SEC14L1: variants seen among roughly 807,000 people sequenced by gnomAD.
SEC14L1 encodes SEC14-like protein 1.
SEC14L1 carries 48 observed loss-of-function variants against 85.3 expected under a neutral mutation model. That is an observed-to-expected ratio of 0.56 (90% CI 0.45 to 0.72). The LOEUF is 0.72. Among genes scored for constraint, SEC14L1 ranks in the 30% least tolerant of loss-of-function variants. The pLI is 0.00. For synonymous variants in SEC14L1, 391 were observed against 355.5 expected (o/e 1.10, Z -1.12); for missense variants, 682 against 921.4 (o/e 0.74, Z 3.36).
chr17:77,203,554 T>A lies in SEC14L1; in HGVS notation c.1010-16T>A. On this transcript the variant is annotated splice_polypyrimidine_tract_variant and intron_variant, in intron 9 of 16. Transcript: ENST00000436233. ...TGGGATGGTGCTGACAACTCATTCC[T>A]TCCCCTCCTCTGCAGATGGGCGGCC... 1 of 1,610,204 alleles carries A rather than the reference T, an allele frequency of 6.2e-7. No individual in the cohort carries two copies.
chr17:77,174,654 A>T (rs1974671074), intron 3 of SEC14L1, among the ~76,000 whole-genome samples: 1 of 152,074 alleles, frequency 6.6e-6, no homozygotes. Flanking sequence ...CACCACAACG[A>T]GGCAGTGGGA....
rs1183761964 is a variant in SEC14L1 at position 77,209,385 on chromosome 17, G to A, written c.1520G>A (p.Arg507Gln). Residue 507 changes from arginine to glutamine, a missense_variant, in exon 14 of 17, where the codon CGG becomes CAG. Arg to Gln is a conservative substitution (Grantham distance 43). This residue lies in a region of SEC14L1 where 420 missense variants were observed against 619.5 expected (regional missense o/e 0.68). Coordinates refer to ENST00000436233, the MANE Select transcript of SEC14L1 (RefSeq NM_001143998.2). ...EGGLVPKSLYRTAEELENEDL... is the reference protein window; with the variant it reads ...EGGLVPKSLYQTAEELENEDL... ...GGACTGGTCCCCAAATCTCTGTACC[G>A]GACTGCAGAGGAGCTGGAGAACGAA... 3 of 1,614,100 alleles carry A rather than the reference G, an allele frequency of 1.9e-6. No individual in the cohort carries two copies. The highest frequency in any genetic ancestry group is 2.5e-6 in the Non-Finnish European group (3 of 1,179,984).
At chr17:77,164,657 GA>G (rs1974209165) in intron 3 of SEC14L1, among the ~76,000 whole-genome samples, 1 of 152,200 alleles carries the variant, frequency 6.6e-6, no homozygotes, top group South Asian at 2.1e-4. Context: ...AGTGCTGGAG[GA>G]GTGGAGGGAA....
chr17:77,195,924 T>C (rs1206477946), intron 7 of SEC14L1, among the ~76,000 whole-genome samples: 1 of 152,230 alleles, frequency 6.6e-6, no homozygotes, highest in Non-Finnish European at 1.5e-5. Flanking sequence ...ATATCTATTA[T>C]AGTCATGAAT....
chr17:77,115,173 G>A (rs578061524), intron 3 of SEC14L1, among the ~76,000 whole-genome samples: 61 of 152,258 alleles, frequency 4.0e-4, no homozygotes, highest in Non-Finnish European at 7.4e-4. Flanking sequence ...GCTCATGCCT[G>A]TAATCCCAGC....
chr17:77,213,471 T>C lies in SEC14L1; in HGVS notation c.2021T>C (p.Val674Ala), dbSNP rs762265838. The C allele has an allele frequency of 4.3e-6, 7 of 1,610,230 alleles. No homozygotes were observed. In the South Asian group the frequency reaches 7.7e-5, roughly 18 times the overall value. Residue 674 changes from valine (V) to alanine (A), a missense_variant, in exon 16 of 17, where the codon GTG (valine) becomes GCG (alanine). Coordinates refer to ENST00000436233, the MANE Select transcript of SEC14L1 (RefSeq NM_001143998.2). The surrounding 1 kb of genome is among the most constrained non-coding windows in gnomAD (Gnocchi z 7.1). ...HKCKVMYYTE[V>A]IGSEDFRGSM... is the part of the protein sequence containing the mutation. ...TGTAAAGTGATGTACTACACCGAGG[T>C]GATCGGCTCGGAGGATTTCAGGTGC...
intron 3 of SEC14L1, among the ~76,000 whole-genome samples, chr17:77,155,566 G>A (rs1483271731): frequency 6.6e-6 from 1 of 152,020 alleles, no homozygotes; most frequent in South Asian, 2.1e-4. Context: ...AGCCTTGGTG[G>A]CTTAGCCCCA....
At chr17:77,129,875 A>G (rs1972562590) in intron 3 of SEC14L1, among the ~76,000 whole-genome samples, 2 of 152,106 alleles carry the variant, frequency 1.3e-5, no homozygotes, top group South Asian at 2.1e-4. Flanking sequence ...CCAGCTGTTT[A>G]TGACCCGCAG....
chr17:77,118,904 T>G (rs1001329403), intron 3 of SEC14L1, among the ~76,000 whole-genome samples: 29 of 152,142 alleles, frequency 1.9e-4, no homozygotes. Context: ...CCCACCACCT[T>G]CAGCGGGATG....
intron 8 of SEC14L1, among the ~76,000 whole-genome samples, chr17:77,198,567 A>G (rs1050120959): frequency 1.3e-5 from 2 of 150,976 alleles, no homozygotes; most frequent in Non-Finnish European, 2.9e-5. Context: ...ATTCTGGTGT[A>G]TGAGATCTCT....
intron 3 of SEC14L1, among the ~76,000 whole-genome samples, chr17:77,118,605 G>T (rs1400098360): frequency 3.3e-5 from 5 of 152,352 alleles, no homozygotes; most frequent in East Asian, 1.9e-4. Flanking sequence ...CCAGTTGCTG[G>T]TCTGGGAATG....
At chr17:77,132,310 A>G (rs528795443) in intron 3 of SEC14L1, among the ~76,000 whole-genome samples, 1 of 150,492 alleles carries the variant, frequency 6.6e-6, no homozygotes, top group South Asian at 2.1e-4. Context: ...GCACCCTCCA[A>G]CTCCTGGGTT....
chr17:77,216,762 G>T lies in SEC14L1; in HGVS notation c.*2739G>T. The stretch of plus-strand genomic sequence containing the variant: ...GCTCAAAGCACATGACCGCACAAAT[G>T]CTTACAGGGTTTCCTCCCGAGTAAT... On this transcript the variant is annotated 3_prime_UTR_variant, in exon 17 of 17. Transcript: ENST00000436233. The T allele has an allele frequency of 1.1e-6, 1 of 915,028 alleles. No homozygotes were observed. Among genetic ancestry groups the T allele is most frequent in the South Asian group, 1.7e-5 (1 of 59,588 alleles). The allele number at this position is 915,028 out of a possible 1,614,324, so 56.7% of individuals were successfully genotyped here.
intron 3 of SEC14L1, among the ~76,000 whole-genome samples, chr17:77,190,186 G>T (rs1975458767): frequency 6.6e-6 from 1 of 152,150 alleles, no homozygotes; most frequent in Admixed American, 6.5e-5. Context: ...TCAGCCTATG[G>T]ATGTGTAATT....
At chr17:77,189,249 G>A (rs1481461396) in intron 3 of SEC14L1, among the ~76,000 whole-genome samples, 1 of 152,142 alleles carries the variant, frequency 6.6e-6, no homozygotes, top group Admixed American at 6.5e-5. Context: ...CAGACACAGA[G>A]AACAGAGAGC....
At chr17:77,191,436 A>G (rs1039341239) in intron 5 of SEC14L1, 124 bp downstream of exon 5, 5 of 1,053,270 alleles carry the variant, frequency 4.7e-6, no homozygotes, top group Non-Finnish European at 7.1e-6. Flanking sequence ...AGATGTTGTC[A>G]CTCATTTCTC....
At chr17:77,183,407 A>G (rs1975132020) in intron 3 of SEC14L1, among the ~76,000 whole-genome samples, 3 of 152,236 alleles carry the variant, frequency 2.0e-5, no homozygotes, top group Non-Finnish European at 2.9e-5. Context: ...GCTTTATGTC[A>G]TGACACTTTA....
upstream of SEC14L1, among the ~76,000 whole-genome samples, chr17:77,139,599 G>A (rs371709484): frequency 6.7e-6 from 1 of 150,240 alleles, no homozygotes; most frequent in South Asian, 2.1e-4. Context: ...CAGGGTTCAC[G>A]CCATTCTCCT....
At chr17:77,164,888 G>A (rs1974217952) in intron 3 of SEC14L1, among the ~76,000 whole-genome samples, 1 of 152,242 alleles carries the variant, frequency 6.6e-6, no homozygotes, top group Non-Finnish European at 1.5e-5. Context: ...GGGAACAACA[G>A]TCTCATGTTT....
Sources: gnomAD v4.1 joint callset for allele counts (sites outside exome capture counted in the v4.1 genomes callset) on GRCh38, gnomAD v4.1.1 for gene constraint, gnomAD v4.1.1 regional missense constraint, Gnocchi (gnomAD v3.1) non-coding constraint, MANE v1.5 for transcripts, NCBI Gene and HGNC (gene_info 2026-07-23, HGNC 2026-07-21) for gene names.